The following COL4A4 variants were observed in gnomAD, a reference collection of about 807,000 sequenced individuals.
COL4A4 encodes collagen type IV alpha 4 chain, also known as collagen alpha-4(IV) chain.
Under a neutral mutation model 192.9 loss-of-function variants are expected in COL4A4, and 105 were observed. That is an observed-to-expected ratio of 0.54 (90% CI 0.46 to 0.64). The LOEUF (loss-of-function observed/expected upper bound fraction) is 0.64, where lower values mean the gene tolerates loss of function less well. Ranked by LOEUF, COL4A4 falls within the 30% of genes least tolerant of loss-of-function variation. The pLI, the probability that COL4A4 is intolerant of heterozygous loss-of-function variation, is 0.00. For synonymous variants in COL4A4, 762 were observed against 769.9 expected, an observed-to-expected ratio of 0.99 and a Z score of 0.17; for missense variants, 1,967 against 2,169.3, an observed-to-expected ratio of 0.91 and a Z score of 1.85.
chr2:227,128,649 C>A (rs899593409), intron 4 of COL4A4, among the ~76,000 whole-genome samples: 2 of 152,130 alleles, frequency 1.3e-5, no homozygotes, highest in Admixed American at 1.3e-4. Context: ...CTTCTCATGA[C>A]CAAGTCAATC....
At chr2:227,054,528 T>A in intron 31 of COL4A4, 66 bp downstream of exon 31, 1 of 1,562,650 alleles carries the variant, frequency 6.4e-7, no homozygotes, top group Non-Finnish European at 8.8e-7. Flanking sequence ...TTTTCAGAGA[T>A]CACATTTCTA....
rs576250273 is a variant in COL4A4 at position 227,090,637 on chromosome 2, C to G, written c.1370-680G>C. On this transcript the variant is annotated intron_variant, in intron 20 of 47. Coordinates refer to ENST00000396625, the MANE Select transcript of COL4A4 (RefSeq NM_000092.5). Reference sequence around the variant, plus strand: ...CACGGTGGTGCGTGCCTGTAATCCCCGCTACTTGAGAGGCCAAGGCAGGAG... The same window carrying G: ...CACGGTGGTGCGTGCCTGTAATCCCGGCTACTTGAGAGGCCAAGGCAGGAG... 4.0e-5 allele frequency among the ~76,000 whole-genome samples: 6 copies of G among 151,536 alleles called. No individual in the cohort carries two copies. The East Asian group carries it at 1.2e-3, about 29-fold the overall frequency.
At chr2:227,107,652 G>A (rs541660313) in intron 12 of COL4A4, among the ~76,000 whole-genome samples, 1 of 152,246 alleles carries the variant, frequency 6.6e-6, no homozygotes, top group South Asian at 2.1e-4. Flanking sequence ...TTGGCATGGA[G>A]CAGATGCTTA....
rs759470234 is a variant in COL4A4 at position 227,010,392 on chromosome 2, G to T, written c.4443C>A (p.Pro1481=). 2 of 1,614,112 alleles carry T rather than the reference G, an allele frequency of 1.2e-6. No individual in the cohort carries two copies. Among genetic ancestry groups the T allele is most frequent in the African/African-American group, 2.7e-5 (2 of 74,950 alleles). ...CAGTCCAGAGCCTGGGCATGCCCAG[G>T]GGGCAGGTGGGCTCCTGGTCCGTCT... ...HSQTDQEPTC[P]LGMPRLWTGY... Residue 1481 remains proline, a synonymous_variant, in exon 46 of 48, where the codon CCC becomes CCA. Transcript: ENST00000396625.
chr2:226,968,697 G>T, the COL4A4 span, among the ~76,000 whole-genome samples: 1 of 152,198 alleles, frequency 6.6e-6, no homozygotes, highest in African/African-American at 2.4e-5. Flanking sequence ...TGAAAATGGG[G>T]AATTTTTAAG....
chr2:227,064,292 T>C (rs569719956), intron 25 of COL4A4, among the ~76,000 whole-genome samples: 58 of 152,062 alleles, frequency 3.8e-4, no homozygotes, highest in Non-Finnish European at 7.1e-4. Flanking sequence ...GTTTTAACAA[T>C]AGACTAGAAC....
chr2:227,007,690 C>T, intron 47 of COL4A4, 102 bp from the exon 48 acceptor site: 6 of 1,466,104 alleles, frequency 4.1e-6, no homozygotes, highest in Non-Finnish European at 5.6e-6. Context: ...AACATTTTTC[C>T]TTAGATTATT....
chr2:227,114,067 A>C (rs1251986373), intron 8 of COL4A4, among the ~76,000 whole-genome samples: 1 of 152,232 alleles, frequency 6.6e-6, no homozygotes, highest in Non-Finnish European at 1.5e-5. Flanking sequence ...TGTATCAAGC[A>C]AAGTGCTATA....
chr2:227,041,802 AAGG>A lies in COL4A4; in HGVS notation c.3505+343_3505+345del, dbSNP rs1559476744. ...AGGAAGGAAGGGAAAGAAAGAAAGA[AAGG>A]AAGAAAGAAAGAAAGAAAGAAAGAA... On this transcript the variant is annotated intron_variant, in intron 37 of 47. Transcript: ENST00000396625. Among the ~76,000 whole-genome samples, 12 of 52,574 alleles carry A rather than the reference AAGG, an allele frequency of 2.3e-4. 1 individual carries two copies. The highest frequency in any genetic ancestry group is 3.1e-4 in the Non-Finnish European group (9 of 28,652). 34.5% of individuals were successfully genotyped at this position (52,574 alleles called of 152,430 possible).
At chr2:227,071,723 T>A (rs1224311531) in intron 25 of COL4A4, among the ~76,000 whole-genome samples, 1 of 151,966 alleles carries the variant, frequency 6.6e-6, no homozygotes, top group East Asian at 1.9e-4. Context: ...TGGAATAAAA[T>A]TAGAAATCAA....
the COL4A4 span, among the ~76,000 whole-genome samples, chr2:226,978,246 A>C: frequency 6.6e-6 from 1 of 152,184 alleles, no homozygotes; most frequent in African/African-American, 2.4e-5. Context: ...TTAAAATTCA[A>C]ATATTCAATT....
intron 35 of COL4A4, among the ~76,000 whole-genome samples, chr2:227,047,009 G>A (rs1317770): frequency 0.66 from 100,388 of 151,942 alleles, 34,144 homozygotes; most frequent in African/African-American, 0.82. Context: ...ATTCAATGAT[G>A]GCTCAACAAT....
At chr2:227,125,702 C>T (rs1452021371) in intron 4 of COL4A4, among the ~76,000 whole-genome samples, 2 of 152,150 alleles carry the variant, frequency 1.3e-5, no homozygotes, top group South Asian at 2.1e-4. Flanking sequence ...GTCCCGGGAG[C>T]GCCCCCTCTC....
At position 227,047,382 on chromosome 2, in the gene COL4A4, T is replaced by C. The variant is rs964205241; in HGVS notation, c.3289+93A>G. The C allele has an allele frequency of 7.8e-6, 7 of 897,870 alleles. No homozygotes were observed. The East Asian group carries it at 1.8e-4, about 23-fold the overall frequency. The allele number at this position is 897,870 out of a possible 1,614,324, so 55.6% of individuals were successfully genotyped here. A position where few individuals can be genotyped will look rare whatever the true frequency, so the allele number is the denominator to read the frequency against. On this transcript the variant is annotated intron_variant, in intron 35 of 47. Coordinates refer to ENST00000396625, the MANE Select transcript of COL4A4 (RefSeq NM_000092.5). ...CTTAATGCACAAAGGGGTAAGAAAA[T>C]ATTGATACGATCATTGCCAGCTAGA...
At chr2:226,988,649 G>C in the COL4A4 span, 1 of 985,202 alleles carries the variant, frequency 1.0e-6, no homozygotes, top group African/African-American at 1.7e-5. Flanking sequence ...CTTCTGAGAG[G>C]AAGGTAGGAT....
intron 42 of COL4A4, among the ~76,000 whole-genome samples, chr2:227,027,393 C>T (rs566944337): frequency 2.0e-5 from 3 of 150,022 alleles, no homozygotes; most frequent in African/African-American, 4.9e-5. Context: ...AACCAAACAC[C>T]GCATGTTCTC....
At chr2:227,040,647 C>A (rs1021946727) in intron 37 of COL4A4, among the ~76,000 whole-genome samples, 5 of 151,068 alleles carry the variant, frequency 3.3e-5, no homozygotes, top group Admixed American at 6.6e-5. Context: ...CTCACTGCAA[C>A]CTCCACCTTC....
chr2:227,088,926 G>T, intron 21 of COL4A4, 110 bp from the exon 22 acceptor site: 1 of 1,275,332 alleles, frequency 7.8e-7, no homozygotes, highest in Non-Finnish European at 1.1e-6. Flanking sequence ...AGTCCGATAT[G>T]CACTTCTTGC....
At chr2:227,070,875 T>TAAATA (rs1553653262) in intron 25 of COL4A4, among the ~76,000 whole-genome samples, 5 of 149,736 alleles carry the variant, frequency 3.3e-5, no homozygotes, top group African/African-American at 1.2e-4. Context: ...TAAAGTATAA[T>TAAATA]AATAAATAAA....
Sources: gnomAD v4.1 joint callset for allele counts (sites outside exome capture counted in the v4.1 genomes callset) on GRCh38, gnomAD v4.1.1 for gene constraint, MANE v1.5 for transcripts, NCBI Gene and HGNC (gene_info 2026-07-23, HGNC 2026-07-21) for gene names.